Variants in LRIG1 observed in about 807,000 individuals in gnomAD.
LRIG1 encodes the protein leucine-rich repeats and immunoglobulin-like domains protein 1.
Under a neutral mutation model 99.2 loss-of-function variants are expected in LRIG1, and 48 were observed. The ratio of observed to expected loss-of-function variants is 0.48; its 90% confidence interval spans 0.38 to 0.62. LRIG1 has a LOEUF of 0.62. Among genes scored for constraint, LRIG1 ranks in the 20% least tolerant of loss-of-function variants. LRIG1 has a pLI of 0.00. For synonymous variants in LRIG1, 772 were observed against 596.1 expected (o/e 1.29, Z -4.30); for missense variants, 1,646 against 1,434.4 (o/e 1.15, Z -2.38).
rs79784171 is a variant in LRIG1 at position 66,384,703 on chromosome 3, T to C, written c.1790-431A>G. ...CAATGGGATGGCTCATCCGTTTGGA[T>C]GGGTGTTCATGGGATGAATGGGATG... On this transcript the variant is annotated intron_variant, in intron 13 of 18. Transcript: ENST00000273261. Among the ~76,000 whole-genome samples, 11 of 151,790 alleles carry C rather than the reference T, an allele frequency of 7.2e-5. No individual in the cohort carries two copies. The East Asian group carries it at 2.1e-3, about 29-fold the overall frequency.
chr3:66,398,539 C>T (rs1272453280), intron 10 of LRIG1, among the ~76,000 whole-genome samples: 3 of 152,228 alleles, frequency 2.0e-5, no homozygotes, highest in African/African-American at 7.2e-5. Context: ...TGTTCCCTTC[C>T]TCCCAGGGTC....
intron 1 of LRIG1, among the ~76,000 whole-genome samples, chr3:66,489,555 A>AAC (rs771720946): frequency 2.7e-5 from 4 of 149,994 alleles, no homozygotes; most frequent in Non-Finnish European, 5.9e-5. Context: ...GTGTGTGTCT[A>AAC]ACACACACAC....
intron 12 of LRIG1, among the ~76,000 whole-genome samples, chr3:66,392,092 A>AT (rs1290168493): frequency 1.3e-5 from 2 of 152,234 alleles, no homozygotes; most frequent in African/African-American, 4.8e-5. Flanking sequence ...TCCACTTAGC[A>AT]TGACATTGTC....
At chr3:66,463,803 T>C (rs775994380) in intron 1 of LRIG1, among the ~76,000 whole-genome samples, 1 of 152,222 alleles carries the variant, frequency 6.6e-6, no homozygotes, top group Non-Finnish European at 1.5e-5. Flanking sequence ...TCCAGAGACA[T>C]TTCAATCAAT....
At chr3:66,380,887 TAG>T (rs1281632436) in intron 17 of LRIG1, 26 bp from the exon 18 acceptor site, 4 of 1,608,486 alleles carry the variant, frequency 2.5e-6, no homozygotes, top group Non-Finnish European at 3.4e-6. Flanking sequence ...AAAGATGGGT[TAG>T]AGTCACTGCT....
chr3:66,433,725 T>A (rs535331026), intron 3 of LRIG1, among the ~76,000 whole-genome samples: 13 of 152,314 alleles, frequency 8.5e-5, no homozygotes, highest in African/African-American at 2.9e-4. Flanking sequence ...ATGGGTGGGA[T>A]TGAGGAGTTG....
intron 3 of LRIG1, among the ~76,000 whole-genome samples, chr3:66,424,058 G>C (rs895345373): frequency 1.3e-5 from 2 of 152,204 alleles, no homozygotes; most frequent in Non-Finnish European, 2.9e-5. Context: ...ACGAAGGGCT[G>C]ACTCAGAGCT....
intron 12 of LRIG1, chr3:66,386,657 G>C: frequency 4.9e-6 from 1 of 205,552 alleles, no homozygotes; most frequent in Non-Finnish European, 9.9e-6. Context: ...TGACTGCAGA[G>C]ATCTTACCCA....
intron 7 of LRIG1, 55 bp downstream of exon 7, chr3:66,410,073 TC>T: frequency 6.5e-7 from 1 of 1,546,618 alleles, no homozygotes; most frequent in East Asian, 2.3e-5. Flanking sequence ...CCTAGCACTT[TC>T]ACCTCCAAGC....
chr3:66,500,151 G>A, intron 1 of LRIG1, 39 bp downstream of exon 1: 1 of 1,470,040 alleles, frequency 6.8e-7, no homozygotes, highest in Non-Finnish European at 9.1e-7. Context: ...AAGTGACAGA[G>A]CCCCGGGGCG....
chr3:66,385,700 A>C (rs534346876), intron 13 of LRIG1, among the ~76,000 whole-genome samples: 7 of 152,246 alleles, frequency 4.6e-5, no homozygotes, highest in Admixed American at 3.9e-4. Flanking sequence ...TGATCTGCCC[A>C]CCTCAGTCTC....
chr3:66,489,811 T>A (rs1189355081), intron 1 of LRIG1, among the ~76,000 whole-genome samples: 2 of 152,142 alleles, frequency 1.3e-5, no homozygotes, highest in Non-Finnish European at 2.9e-5. Flanking sequence ...AGCCATGAGC[T>A]AGTTTCCCAT....
At chr3:66,474,655 T>G (rs143725107) in intron 1 of LRIG1, among the ~76,000 whole-genome samples, 5 of 152,278 alleles carry the variant, frequency 3.3e-5, no homozygotes, top group Admixed American at 6.5e-5. Context: ...CCCATCTACA[T>G]TCAATGTGGC....
rs142523690 is a variant in LRIG1, at chr3:66,382,336, G to T, written c.2554C>A (p.Arg852=). The T allele has an allele frequency of 4.2e-4, 685 of 1,614,020 alleles. No homozygotes were observed. The highest frequency in any genetic ancestry group is 5.3e-4 in the Non-Finnish European group (620 of 1,180,026). Residue 852 remains arginine, a synonymous_variant, in exon 16 of 19, where the codon CGA becomes AGA. Transcript: ENST00000273261. ...TCGGTCCTGACCACGGTTTCTTGTC[G>T]GTCAGAAAGGGTCCCCTGAGAAGAG... ...YLSSQGTLSD[R]QETVVRTEGG... is the part of the protein sequence containing the mutation.
intron 3 of LRIG1, among the ~76,000 whole-genome samples, chr3:66,435,649 A>T (rs1293362888): frequency 6.6e-6 from 1 of 152,150 alleles, no homozygotes; most frequent in Non-Finnish European, 1.5e-5. Context: ...AAGGGGAGAG[A>T]TCCTTGCAAT....
chr3:66,434,611 G>A (rs766064758), intron 3 of LRIG1, among the ~76,000 whole-genome samples: 3 of 152,076 alleles, frequency 2.0e-5, no homozygotes, highest in Admixed American at 1.3e-4. Context: ...GCCAGGCCTG[G>A]TGGCGTAAGC....
chr3:66,400,474 C>A (rs759781638), intron 9 of LRIG1, among the ~76,000 whole-genome samples: 3 of 152,164 alleles, frequency 2.0e-5, no homozygotes, highest in Non-Finnish European at 2.9e-5. Flanking sequence ...CTAAGAATAC[C>A]GATTGCTGGG....
rs531428051 is a variant in LRIG1, at chr3:66,379,882, T to C, written c.*381A>G. The stretch of plus-strand genomic sequence containing the variant: ...TTGTAGCCTCTATAAATTCCAGCCA[T>C]GCGTTAAGGCACCAGAACTATTTCC... On this transcript the variant is annotated 3_prime_UTR_variant, in exon 19 of 19. Transcript: ENST00000273261. The C allele has an allele frequency of 6.4e-5, 11 of 172,570 alleles. No individual in the cohort carries two copies. The highest frequency in any genetic ancestry group is 8.6e-5 in the Non-Finnish European group (7 of 80,974). 10.7% of individuals were successfully genotyped at this position (172,570 alleles called of 1,614,324 possible). A position where few individuals can be genotyped will look rare whatever the true frequency, so the allele number is the denominator to read the frequency against.
intron 3 of LRIG1, among the ~76,000 whole-genome samples, chr3:66,430,031 C>T (rs924136944): frequency 6.6e-6 from 1 of 152,126 alleles, no homozygotes; most frequent in East Asian, 1.9e-4. Context: ...ATAGCCTTAG[C>T]CCCCAGAATA....
Sources: gnomAD v4.1 joint callset for allele counts (sites outside exome capture counted in the v4.1 genomes callset) on GRCh38, gnomAD v4.1.1 for gene constraint, MANE v1.5 for transcripts, NCBI Gene and HGNC (gene_info 2026-07-23, HGNC 2026-07-21) for gene names.